The following MBNL2 variants were observed in gnomAD, a reference collection of about 807,000 sequenced individuals.
MBNL2 encodes the protein muscleblind-like protein 2.
In MBNL2, 17 loss-of-function variants were observed where a neutral mutation model predicts 41.9. The ratio of observed to expected loss-of-function variants is 0.41; its 90% CI spans 0.28 to 0.61. The LOEUF is 0.61. Ranked by LOEUF, MBNL2 falls within the 20% of genes least tolerant of loss-of-function variation. The pLI is 0.35. For synonymous variants in MBNL2, 195 were observed against 182.9 expected, an observed-to-expected ratio of 1.07 and a Z score of -0.53; for missense variants, 336 against 505.6, an observed-to-expected ratio of 0.66 and a Z score of 3.22.
At chr13:97,380,554 G>C (rs1392619135) in intron 8 of MBNL2, among the ~76,000 whole-genome samples, 1 of 152,232 alleles carries the variant, frequency 6.6e-6, no homozygotes, top group East Asian at 1.9e-4. Flanking sequence ...GTTCAGAATT[G>C]TGGGAATACA....
the MBNL2 span, among the ~76,000 whole-genome samples, chr13:97,151,956 C>T: frequency 6.6e-6 from 1 of 152,148 alleles, no homozygotes; most frequent in East Asian, 1.9e-4. Context: ...TCCAACAGCA[C>T]TTTATCAGCC....
chr13:97,226,478 T>C (rs1005965313), intron 1 of MBNL2, among the ~76,000 whole-genome samples: 1 of 152,236 alleles, frequency 6.6e-6, no homozygotes, highest in Non-Finnish European at 1.5e-5. Context: ...AGTAACCTAA[T>C]ACCTGCCTTT....
At chr13:97,362,624 A>G (rs557583583) in intron 7 of MBNL2, among the ~76,000 whole-genome samples, 1 of 152,326 alleles carries the variant, frequency 6.6e-6, no homozygotes, top group South Asian at 2.1e-4. Flanking sequence ...AGACTAGACC[A>G]CACGGGACCT....
At chr13:97,159,543 A>C in the MBNL2 span, among the ~76,000 whole-genome samples, 70 of 151,866 alleles carry the variant, frequency 4.6e-4, no homozygotes, top group Middle Eastern at 6.8e-3. Flanking sequence ...ACCGGTTGTT[A>C]CTTTCCATGT....
chr13:97,352,235 G>A (rs2062564676), intron 5 of MBNL2, among the ~76,000 whole-genome samples: 1 of 152,050 alleles, frequency 6.6e-6, no homozygotes, highest in African/African-American at 2.4e-5. Flanking sequence ...TCCCTTTGCA[G>A]TCACAACATG....
intron 5 of MBNL2, among the ~76,000 whole-genome samples, 157 bp from the exon 6 acceptor site, chr13:97,356,639 G>A (rs756055561): frequency 1.9e-4 from 29 of 152,064 alleles, no homozygotes; most frequent in African/African-American, 2.7e-4. Flanking sequence ...TGTTTTGTAC[G>A]TTGTATATTG....
At chr13:97,154,775 A>T in the MBNL2 span, among the ~76,000 whole-genome samples, 1 of 150,152 alleles carries the variant, frequency 6.7e-6, no homozygotes, top group East Asian at 2.0e-4. Context: ...ATGTTTCCTG[A>T]ATAAATAAAT....
intron 1 of MBNL2, among the ~76,000 whole-genome samples, chr13:97,257,281 C>T (rs2152862343): frequency 6.6e-6 from 1 of 152,138 alleles, no homozygotes; most frequent in South Asian, 2.1e-4. Context: ...CAATTGAAGC[C>T]TGCACGTAGG....
chr13:97,192,164 T>C, the MBNL2 span, among the ~76,000 whole-genome samples: 1 of 152,152 alleles, frequency 6.6e-6, no homozygotes, highest in Non-Finnish European at 1.5e-5. Context: ...CATCTTCAGA[T>C]ACTGAAGCAG....
rs142668758 is a variant in MBNL2 at position 97,392,477 on chromosome 13, GA to G, written c.*1035del. On this transcript the variant is annotated 3_prime_UTR_variant, in exon 9 of 9. Transcript: ENST00000679496. ...AAGGGTTGTAACTGACTACAGCATG[GA>G]AAAAAATAGTTCTTTTAATTCTTTC... The G allele has an allele frequency of 6.6e-6, 1 of 152,232 alleles. No homozygotes were observed. Among genetic ancestry groups the G allele is most frequent in the African/African-American group, 2.4e-5 (1 of 41,366 alleles). The allele number at this position is 152,232 out of a possible 1,614,324, so 9.4% of individuals were successfully genotyped here. A position where few individuals can be genotyped will look rare whatever the true frequency, so the allele number is the denominator to read the frequency against.
At chr13:97,320,446 C>T (rs1034787930) in intron 2 of MBNL2, among the ~76,000 whole-genome samples, 3 of 151,540 alleles carry the variant, frequency 2.0e-5, no homozygotes, top group Admixed American at 6.6e-5. Flanking sequence ...TTAGTAGAGC[C>T]GGGGTTTCAC....
At chr13:97,305,809 A>T (rs9513232) in intron 2 of MBNL2, among the ~76,000 whole-genome samples, 6,973 of 152,166 alleles carry the variant, frequency 0.046, 263 homozygotes, top group East Asian at 0.13. Flanking sequence ...CAGGATTTTT[A>T]TATTTTTTGT....
At chr13:97,167,972 TA>T in the MBNL2 span, among the ~76,000 whole-genome samples, 1 of 152,152 alleles carries the variant, frequency 6.6e-6, no homozygotes, top group Non-Finnish European at 1.5e-5. Flanking sequence ...GATATATATA[TA>T]TTTTTTTTTG....
At chr13:97,261,960 C>T (rs944999295) in intron 1 of MBNL2, among the ~76,000 whole-genome samples, 2 of 152,206 alleles carry the variant, frequency 1.3e-5, no homozygotes, top group African/African-American at 2.4e-5. Flanking sequence ...CTCTACCTTG[C>T]CATCTCCCCA....
At chr13:97,387,303 T>C (rs1446988548) in intron 8 of MBNL2, among the ~76,000 whole-genome samples, 1 of 152,164 alleles carries the variant, frequency 6.6e-6, no homozygotes. Context: ...TAGGGTGTTC[T>C]GATGCTATAA....
chr13:97,153,783 G>A, the MBNL2 span, among the ~76,000 whole-genome samples: 1 of 152,110 alleles, frequency 6.6e-6, no homozygotes, highest in Non-Finnish European at 1.5e-5. Flanking sequence ...GAACAAAGTA[G>A]ACAACTACTT....
chr13:97,196,624 G>A, the MBNL2 span, among the ~76,000 whole-genome samples: 25,328 of 151,992 alleles, frequency 0.17, 2,806 homozygotes, highest in African/African-American at 0.32. Context: ...GGTCATAGTG[G>A]CTTCTAGAAA....
chr13:97,301,892 G>A (rs2057660419), intron 2 of MBNL2, among the ~76,000 whole-genome samples: 1 of 152,210 alleles, frequency 6.6e-6, no homozygotes, highest in Admixed American at 6.5e-5. Flanking sequence ...GGGCAGACAT[G>A]TCTTCCTGGT....
intron 1 of MBNL2, among the ~76,000 whole-genome samples, chr13:97,241,645 T>C (rs1250563438): frequency 2.6e-5 from 4 of 152,160 alleles, no homozygotes; most frequent in Non-Finnish European, 5.9e-5. Context: ...TTGGTAGCAA[T>C]GGAATTGAGC....
Sources: allele counts gnomAD v4.1 joint callset (sites outside exome capture counted in the v4.1 genomes callset), GRCh38; gene constraint gnomAD v4.1.1; transcripts MANE v1.5; gene names NCBI Gene and HGNC (gene_info 2026-07-23, HGNC 2026-07-21).